DUSP16: variants seen among roughly 807,000 people sequenced by gnomAD.
DUSP16 encodes dual specificity phosphatase 16.
In DUSP16, 21 loss-of-function variants were observed where a neutral mutation model predicts 58.3. That is an observed-to-expected ratio of 0.36 (90% CI 0.26 to 0.52). The LOEUF (loss-of-function observed/expected upper bound fraction) is 0.52, where lower values mean the gene tolerates loss of function less well. Ranked by LOEUF, DUSP16 falls within the 20% of genes least tolerant of loss-of-function variation. DUSP16 has a pLI of 0.94. For synonymous variants in DUSP16, 320 were observed against 323.8 expected (o/e 0.99, Z 0.12); for missense variants, 726 against 819.0 (o/e 0.89, Z 1.39).
chr12:12,513,844 CT>C (rs1006614964), intron 3 of DUSP16, among the ~76,000 whole-genome samples: 1 of 152,106 alleles, frequency 6.6e-6, no homozygotes, highest in Non-Finnish European at 1.5e-5. Context: ...AATAGTTTTC[CT>C]TTTTTTCACA....
rs200541112 is a variant in DUSP16, at chr12:12,477,738, TGG to T, written c.1091_1092del (p.Pro364GlnfsTer31). 7.0e-7 allele frequency: 1 copy of T among 1,429,866 alleles called. No individual in the cohort carries two copies. Among genetic ancestry groups the T allele is most frequent in the East Asian group, 5.0e-5 (1 of 20,162 alleles). The allele number at this position is 1,429,866 out of a possible 1,614,324, so 88.6% of individuals were successfully genotyped here. Reference sequence around the variant, plus strand: ...TCCTCTAACAGCGACGGCTGCACGCTGGGCACGCTGGGCACGCTGGCGGGATG... The same window carrying T: ...TCCTCTAACAGCGACGGCTGCACGCTGCACGCTGGGCACGCTGGCGGGATG... ...PVHPASVPSV[P>X]SVQPSLLEDS... is the part of the protein sequence containing the mutation. On this transcript the variant is annotated frameshift_variant, in exon 7 of 7. Transcript: ENST00000298573. LOFTEE classifies it high-confidence loss of function. The surrounding 1 kb of genome is among the most constrained non-coding windows in gnomAD (Gnocchi z 4.1).
At chr12:12,514,569 T>C (rs1368273666) in intron 3 of DUSP16, among the ~76,000 whole-genome samples, 1 of 152,136 alleles carries the variant, frequency 6.6e-6, no homozygotes, top group African/African-American at 2.4e-5. Context: ...CCCCTTCCCC[T>C]CAATCTTAAA....
intron 1 of DUSP16, among the ~76,000 whole-genome samples, chr12:12,560,164 C>T (rs1177386944): frequency 2.0e-5 from 3 of 152,020 alleles, no homozygotes; most frequent in East Asian, 3.8e-4. Flanking sequence ...GCACTATGAT[C>T]ATTTGGCACT....
chr12:12,544,027 T>C lies in DUSP16; in HGVS notation c.-366+18090A>G, dbSNP rs567612377. ...AGTATAACATATATGCCAATAAGCA[T>C]ACACAAATCATGAATGTACAGCTCA... On this transcript the variant is annotated intron_variant, in intron 1 of 6. Coordinates refer to ENST00000298573, the MANE Select transcript of DUSP16 (RefSeq NM_030640.3). Among the ~76,000 whole-genome samples the C allele has an allele frequency of 3.3e-5, 5 of 152,164 alleles. No homozygotes were observed. The East Asian group carries it at 9.6e-4, about 29-fold the overall frequency.
At chr12:12,558,734 G>T (rs940445686) in intron 1 of DUSP16, among the ~76,000 whole-genome samples, 4 of 152,108 alleles carry the variant, frequency 2.6e-5, no homozygotes, top group African/African-American at 9.7e-5. Context: ...TACCTATAAT[G>T]ATGTTTCTAA....
intron 1 of DUSP16, among the ~76,000 whole-genome samples, chr12:12,558,594 T>A (rs1944846274): frequency 6.6e-6 from 1 of 152,160 alleles, no homozygotes; most frequent in African/African-American, 2.4e-5. Flanking sequence ...TTGCCAGGGC[T>A]GTTCTCAACA....
chr12:12,484,631 A>T (rs1008081273), intron 5 of DUSP16, among the ~76,000 whole-genome samples: 4 of 151,592 alleles, frequency 2.6e-5, no homozygotes, highest in Admixed American at 6.6e-5. Flanking sequence ...TTTTATTTTT[A>T]TTTTTTTTGA....
chr12:12,492,401 T>C (rs1171164804), intron 4 of DUSP16, among the ~76,000 whole-genome samples: 1 of 152,160 alleles, frequency 6.6e-6, no homozygotes, highest in East Asian at 1.9e-4. Flanking sequence ...CGCCCAGATA[T>C]AATGCCTTCC....
chr12:12,559,465 T>A (rs946597137), intron 1 of DUSP16, among the ~76,000 whole-genome samples: 6 of 152,226 alleles, frequency 3.9e-5, no homozygotes, highest in African/African-American at 1.4e-4. Flanking sequence ...TTAATTTACT[T>A]CTTCAAATTA....
Position 12,477,786 on chromosome 12 carries a change from CCT to C in DUSP16, c.1043_1044del (p.Glu348GlyfsTer47). ...SPPCADSATSEAAGQRPVHPA... is the reference protein window; with the variant it reads ...SPPCADSATSXAAGQRPVHPA... ...GGATGCACGGGCCTTTGTCCTGCTG[CCT>C]CTGAGGTAGCAGAGTCGGCACAGGG... On this transcript the variant is annotated frameshift_variant, in exon 7 of 7. Coordinates refer to ENST00000298573, the MANE Select transcript of DUSP16 (RefSeq NM_030640.3). LOFTEE classifies it high-confidence loss of function. The surrounding 1 kb of genome is among the most constrained non-coding windows in gnomAD (Gnocchi z 4.1). 6.2e-7 allele frequency: 1 copy of C among 1,614,000 alleles called. No homozygotes were observed. The highest frequency in any genetic ancestry group is 2.2e-5 in the East Asian group (1 of 44,868).
intron 3 of DUSP16, among the ~76,000 whole-genome samples, chr12:12,517,482 C>A (rs1944171037): frequency 6.6e-6 from 1 of 152,182 alleles, no homozygotes; most frequent in South Asian, 2.1e-4. Flanking sequence ...CTGGCTTGTC[C>A]TCTGAGCAGC....
chr12:12,538,859 T>C (rs1409221805), intron 1 of DUSP16, among the ~76,000 whole-genome samples: 1 of 152,214 alleles, frequency 6.6e-6, no homozygotes, highest in Non-Finnish European at 1.5e-5. Flanking sequence ...AAGCATGTAA[T>C]AAATGCTCAG....
intron 3 of DUSP16, among the ~76,000 whole-genome samples, chr12:12,503,425 A>C (rs1282247147): frequency 6.6e-6 from 1 of 151,942 alleles, no homozygotes; most frequent in East Asian, 1.9e-4. Flanking sequence ...GGGTTTCATC[A>C]AGTTGGCCAG....
chr12:12,515,330 CTTT>C (rs34048427), intron 3 of DUSP16, among the ~76,000 whole-genome samples: 7 of 138,724 alleles, frequency 5.0e-5, no homozygotes, highest in Admixed American at 1.4e-4. Flanking sequence ...TATTAATATG[CTTT>C]TTTTTTTTTT....
chr12:12,513,127 C>T (rs1041041834), intron 3 of DUSP16, among the ~76,000 whole-genome samples: 1 of 152,154 alleles, frequency 6.6e-6, no homozygotes, highest in African/African-American at 2.4e-5. Flanking sequence ...TTAAGTTCAA[C>T]TCAAAACGAA....
chr12:12,551,090 T>C lies in DUSP16; in HGVS notation c.-366+11027A>G, dbSNP rs535100568. On this transcript the variant is annotated intron_variant, in intron 1 of 6. Transcript: ENST00000298573. ...AAAGCATTTATACAATTTTTTTTTT[T>C]CATAGGACACCATTTTTGCTTTTTT... Among the ~76,000 whole-genome samples the C allele has an allele frequency of 3.6e-4, 55 of 151,846 alleles. 2 individuals carry two copies. The highest frequency in any genetic ancestry group is 2.9e-4 in the Non-Finnish European group (20 of 67,900).
Position 12,521,473 on chromosome 12 carries a change from G to A in DUSP16, c.-365-10C>T. On this transcript the variant is annotated splice_polypyrimidine_tract_variant and intron_variant, in intron 1 of 6. Transcript: ENST00000298573. ...ACACTGGACTGAAAGCCTACGCGGA[G>A]AGAGAAAGACAGAAAACAAAACGTG... The A allele has an allele frequency of 2.9e-6, 3 of 1,050,810 alleles. No individual in the cohort carries two copies. Among genetic ancestry groups the A allele is most frequent in the Non-Finnish European group, 3.5e-6 (3 of 868,624 alleles). 65.1% of individuals were successfully genotyped at this position (1,050,810 alleles called of 1,614,324 possible).
At chr12:12,511,697 G>C (rs1234727639) in intron 3 of DUSP16, among the ~76,000 whole-genome samples, 1 of 151,560 alleles carries the variant, frequency 6.6e-6, no homozygotes, top group Non-Finnish European at 1.5e-5. Flanking sequence ...TCCACTTTAG[G>C]TGCATTTCCC....
chr12:12,548,163 A>C (rs1452801306), intron 1 of DUSP16, among the ~76,000 whole-genome samples: 3 of 151,784 alleles, frequency 2.0e-5, no homozygotes, highest in Non-Finnish European at 4.4e-5. Flanking sequence ...ACAACTCAAC[A>C]ACAAAAAACT....
Sources: allele counts gnomAD v4.1 joint callset (sites outside exome capture counted in the v4.1 genomes callset), GRCh38; gene constraint gnomAD v4.1.1; non-coding constraint Gnocchi (gnomAD v3.1); transcripts MANE v1.5; gene names NCBI Gene and HGNC (gene_info 2026-07-23, HGNC 2026-07-21).